The following SNTB1 variants were observed in gnomAD, a reference collection of about 807,000 sequenced individuals.
The protein encoded by SNTB1 is beta-1-syntrophin.
Under a neutral mutation model 48.9 loss-of-function variants are expected in SNTB1, and 36 were observed. The observed-to-expected ratio is 0.74, with a 90% CI of 0.56 to 0.97. The LOEUF is 0.97. Among genes scored for constraint, SNTB1 ranks in the 50% least tolerant of loss-of-function variants. The pLI, the probability that SNTB1 is intolerant of heterozygous loss-of-function variation, is 0.00. For missense variants in SNTB1, 786 were observed against 703.4 expected, an observed-to-expected ratio of 1.12 and a Z score of -1.33; for synonymous variants, 299 against 294.6, an observed-to-expected ratio of 1.01 and a Z score of -0.15.
chr8:120,581,459 C>T lies in SNTB1; in HGVS notation c.997-6234G>A, dbSNP rs527862281. Among the ~76,000 whole-genome samples, 6 of 152,050 alleles carry T rather than the reference C, an allele frequency of 3.9e-5. No homozygotes were observed. The East Asian group carries it at 5.9e-4, about 15-fold the overall frequency. On this transcript the variant is annotated intron_variant, in intron 3 of 6. Coordinates refer to ENST00000517992, the MANE Select transcript of SNTB1 (RefSeq NM_021021.4). ...TCTCTACTAAAAATACAAAAATTAG[C>T]GGGGCATGGTGGTGCACACCTGTAG...
intron 2 of SNTB1, among the ~76,000 whole-genome samples, chr8:120,634,883 G>A (rs1216075232): frequency 4.2e-5 from 6 of 143,822 alleles, no homozygotes; most frequent in South Asian, 2.1e-4. Flanking sequence ...ACGGAGTCTC[G>A]CTCTGTCGCC....
intron 3 of SNTB1, among the ~76,000 whole-genome samples, chr8:120,616,161 T>G (rs751426389): frequency 9.8e-5 from 15 of 152,318 alleles, no homozygotes; most frequent in Admixed American, 3.3e-4. Context: ...TCAAGAATAA[T>G]TATTTAATAG....
intron 2 of SNTB1, among the ~76,000 whole-genome samples, chr8:120,659,740 T>C (rs780969929): frequency 2.6e-5 from 4 of 152,226 alleles, no homozygotes; most frequent in Non-Finnish European, 4.4e-5. Flanking sequence ...TCTCCTGTGC[T>C]AGAAATACAT....
intron 1 of SNTB1, among the ~76,000 whole-genome samples, chr8:120,759,488 A>T (rs542149352): frequency 4.6e-5 from 7 of 152,352 alleles, no homozygotes; most frequent in African/African-American, 1.4e-4. Flanking sequence ...GAATAAAAAA[A>T]ATCACAATGA....
At chr8:120,745,816 A>C (rs1188098040) in intron 1 of SNTB1, among the ~76,000 whole-genome samples, 1 of 152,038 alleles carries the variant, frequency 6.6e-6, no homozygotes, top group African/African-American at 2.4e-5. Context: ...CTCTCACCCC[A>C]AAGTCTTGTC....
chr8:120,679,747 G>C (rs1817897103), intron 2 of SNTB1, among the ~76,000 whole-genome samples: 1 of 152,160 alleles, frequency 6.6e-6, no homozygotes, highest in African/African-American at 2.4e-5. Context: ...TGCAGCCAGA[G>C]AGATCTTTGC....
chr8:120,766,102 A>G (rs1819519870), intron 1 of SNTB1, among the ~76,000 whole-genome samples: 1 of 152,204 alleles, frequency 6.6e-6, no homozygotes, highest in Non-Finnish European at 1.5e-5. Flanking sequence ...CTGGCACTAA[A>G]GAACTGTGAA....
At chr8:120,661,459 T>C (rs11988043) in intron 2 of SNTB1, among the ~76,000 whole-genome samples, 36,738 of 151,904 alleles carry the variant, frequency 0.24, 4,600 homozygotes, top group Middle Eastern at 0.29. Context: ...GAGCCTAGAG[T>C]CCAGATTTCT....
At position 120,667,128 on chromosome 8, in the gene SNTB1, G is replaced by T. The variant is rs181720414; in HGVS notation, c.788+26564C>A. Among the ~76,000 whole-genome samples the T allele has an allele frequency of 5.6e-3, 808 of 145,510 alleles. 7 individuals carry two copies. Among genetic ancestry groups the T allele is most frequent in the African/African-American group, 0.019 (753 of 39,378 alleles). On this transcript the variant is annotated intron_variant, in intron 2 of 6. Transcript: ENST00000517992. ...TTTTTTTTTTAAGAGACAGGGTCTT[G>T]CTCTGTTACCCAGGCTTTGCTGCAG...
intron 2 of SNTB1, among the ~76,000 whole-genome samples, chr8:120,664,977 G>A (rs1023018824): frequency 3.9e-5 from 6 of 152,180 alleles, no homozygotes; most frequent in African/African-American, 1.4e-4. Flanking sequence ...TCATATGAAT[G>A]TAGCAGTATC....
intron 2 of SNTB1, among the ~76,000 whole-genome samples, chr8:120,649,155 C>T (rs1817358648): frequency 6.6e-6 from 1 of 150,758 alleles, no homozygotes; most frequent in Non-Finnish European, 1.5e-5. Flanking sequence ...CTGAAGCCTT[C>T]TTCTCTCAGC....
intron 2 of SNTB1, among the ~76,000 whole-genome samples, chr8:120,656,694 G>A (rs1022698326): frequency 1.3e-5 from 2 of 152,146 alleles, no homozygotes; most frequent in Non-Finnish European, 2.9e-5. Flanking sequence ...GAGTCTGAGG[G>A]CCTATTTTTG....
chr8:120,726,444 T>C (rs987137404), intron 1 of SNTB1, among the ~76,000 whole-genome samples: 31 of 152,202 alleles, frequency 2.0e-4, no homozygotes, highest in African/African-American at 7.2e-4. Flanking sequence ...TAAACTCCTC[T>C]TTCAACATTG....
At chr8:120,807,017 G>A (rs577049022) in intron 1 of SNTB1, among the ~76,000 whole-genome samples, 2 of 152,254 alleles carry the variant, frequency 1.3e-5, no homozygotes, top group African/African-American at 4.8e-5. Context: ...TGAAGGGGAA[G>A]CTCTAACGGA....
intron 1 of SNTB1, among the ~76,000 whole-genome samples, chr8:120,754,028 T>C (rs1819268751): frequency 6.6e-6 from 1 of 152,162 alleles, no homozygotes; most frequent in African/African-American, 2.4e-5. Flanking sequence ...GGACTAAAGT[T>C]TGTAAACTAA....
At chr8:120,579,038 G>T (rs778414560) in intron 3 of SNTB1, among the ~76,000 whole-genome samples, 4 of 152,088 alleles carry the variant, frequency 2.6e-5, no homozygotes, top group Non-Finnish European at 5.9e-5. Context: ...TTAGCCAGGT[G>T]TGGTGGCGGG....
chr8:120,647,608 G>A (rs1817321764), intron 2 of SNTB1, among the ~76,000 whole-genome samples: 1 of 144,842 alleles, frequency 6.9e-6, no homozygotes, highest in African/African-American at 2.6e-5. Flanking sequence ...TTTTGGAATA[G>A]GTGTGGTGTG....
intron 4 of SNTB1, among the ~76,000 whole-genome samples, chr8:120,568,533 T>C (rs1815789459): frequency 6.6e-6 from 1 of 152,218 alleles, no homozygotes; most frequent in Non-Finnish European, 1.5e-5. Flanking sequence ...GACAATGGCA[T>C]TCCAGTGAGT....
At chr8:120,578,543 C>T (rs1815986771) in intron 3 of SNTB1, among the ~76,000 whole-genome samples, 1 of 152,150 alleles carries the variant, frequency 6.6e-6, no homozygotes, top group South Asian at 2.1e-4. Context: ...TGGCTTCCTG[C>T]CTTGAGTGCT....
Sources: gnomAD v4.1 joint callset for allele counts (sites outside exome capture counted in the v4.1 genomes callset) on GRCh38, gnomAD v4.1.1 for gene constraint, MANE v1.5 for transcripts, NCBI Gene and HGNC (gene_info 2026-07-23, HGNC 2026-07-21) for gene names.